Variants in DNAH5 observed in about 807,000 individuals in gnomAD.
DNAH5 encodes dynein axonemal heavy chain 5, also known as axonemal beta dynein heavy chain 5.
Under a neutral mutation model 518.2 loss-of-function variants are expected in DNAH5, and 372 were observed. The ratio of observed to expected loss-of-function variants is 0.72; its 90% CI spans 0.66 to 0.78. The LOEUF is 0.78. Ranked by LOEUF, DNAH5 falls within the 30% of genes least tolerant of loss-of-function variation. The pLI is 0.00. For synonymous variants in DNAH5, 2,039 were observed against 2,025.9 expected (o/e 1.01, Z -0.17); for missense variants, 5,523 against 5,687.0 (o/e 0.97, Z 0.93).
intron 2 of DNAH5, 22 bp downstream of exon 2, chr5:13,931,088 T>C: frequency 1.2e-6 from 2 of 1,613,938 alleles, no homozygotes; most frequent in Non-Finnish European, 8.5e-7. Flanking sequence ...ATCAAGTCAG[T>C]GAGAAGTGAA....
chr5:14,006,197 G>A (rs4702007), intron 1 of DNAH5, among the ~76,000 whole-genome samples: 50,120 of 152,098 alleles, frequency 0.33, 9,748 homozygotes, highest in South Asian at 0.5. Context: ...TACTTGCTGC[G>A]TGCCCTTGAG....
At position 13,999,829 on chromosome 5, in the gene DNAH5, G is replaced by A. The variant is rs564161636; in HGVS notation, c.12+11819C>T. 2.0e-5 allele frequency among the ~76,000 whole-genome samples: 3 copies of A among 152,290 alleles called. No individual in the cohort carries two copies. In the East Asian group the frequency reaches 5.8e-4, roughly 29 times the overall value. On this transcript the variant is annotated intron_variant, in intron 1 of 78. Coordinates refer to the DNAH5 transcript ENST00000681290. ...CTACCAACAGCATGCAAGGGCTCCA[G>A]GATTTCCCCATCTTTCCAACACTTG...
At chr5:13,924,146 G>A (rs573671446) in intron 3 of DNAH5, among the ~76,000 whole-genome samples, 73 of 152,232 alleles carry the variant, frequency 4.8e-4, no homozygotes, top group African/African-American at 1.7e-3. Flanking sequence ...TACAAAACTC[G>A]GAACCCCCAC....
intron 38 of DNAH5, among the ~76,000 whole-genome samples, chr5:13,825,096 T>C (rs976892521): frequency 6.6e-6 from 1 of 152,144 alleles, no homozygotes; most frequent in Admixed American, 6.6e-5. Context: ...AATCCCAGCA[T>C]TTTGGAAGAC....
chr5:13,796,060 A>G (rs1757772156), intron 47 of DNAH5, among the ~76,000 whole-genome samples: 1 of 152,236 alleles, frequency 6.6e-6, no homozygotes, highest in Non-Finnish European at 1.5e-5. Context: ...CAAAATAATA[A>G]GAGCTATGTA....
At chr5:13,953,445 G>A (rs1470989622) in intron 1 of DNAH5, among the ~76,000 whole-genome samples, 1 of 152,078 alleles carries the variant, frequency 6.6e-6, no homozygotes, top group Non-Finnish European at 1.5e-5. Flanking sequence ...TAGCCCCTGG[G>A]TGGGTTCAAA....
chr5:13,808,932 C>A (rs1760123683), intron 46 of DNAH5, 112 bp downstream of exon 46: 1 of 1,366,488 alleles, frequency 7.3e-7, no homozygotes, highest in Non-Finnish European at 1.0e-6. Context: ...TGCACTCCAG[C>A]CTGGGCGACA....
In DNAH5 at chr5:13,952,724, A is replaced by T. The variant is rs143316690; in HGVS notation, c.13-21480T>A. 3.1e-3 allele frequency among the ~76,000 whole-genome samples: 466 copies of T among 152,360 alleles called. 2 individuals carry two copies. Among genetic ancestry groups the T allele is most frequent in the African/African-American group, 0.011 (458 of 41,580 alleles). ...TTAGAGTTACTCCACTATCAAGAAAACAATATTTACATTGCCAAGGAGGAC... is the reference window on the plus strand; with the variant it reads ...TTAGAGTTACTCCACTATCAAGAAATCAATATTTACATTGCCAAGGAGGAC... On this transcript the variant is annotated intron_variant, in intron 1 of 78. Coordinates refer to the DNAH5 transcript ENST00000681290.
intron 76 of DNAH5, among the ~76,000 whole-genome samples, chr5:13,705,794 G>C (rs1387591448): frequency 6.6e-6 from 1 of 151,834 alleles, no homozygotes; most frequent in South Asian, 2.1e-4. Context: ...TGCATAGAGG[G>C]AAGATGATGT....
chr5:13,978,724 A>G (rs1295896741), intron 1 of DNAH5, among the ~76,000 whole-genome samples: 1 of 152,210 alleles, frequency 6.6e-6, no homozygotes, highest in African/African-American at 2.4e-5. Context: ...AGGCTATGCC[A>G]TATAGCCTAA....
rs1169001404 is a variant in DNAH5 at position 13,721,053 on chromosome 5, C to T, written c.12226G>A (p.Gly4076Ser). Residue 4076 changes from glycine (G) to serine (S), a missense_variant, in exon 71 of 79, where the codon GGC becomes AGC. Physicochemically the swap from Gly to Ser is moderately conservative, Grantham distance 56 (BLOSUM62 0). Around this residue, in one of 3 missense-constraint regions of DNAH5, gnomAD observed 5,121 missense variants for 5,223.3 expected, o/e 0.98. Coordinates refer to ENST00000265104, the MANE Select transcript of DNAH5 (RefSeq NM_001369.3). The stretch of plus-strand genomic sequence containing the variant: ...CGAGCATGGACTTCCTGGCCCTGGC[C>T]CATGGACACATAACGGGTTTCTATT... ...LKIETRYVSM[G>S]QGQEVHARKL... 1.9e-6 allele frequency: 3 copies of T among 1,614,114 alleles called. No individual in the cohort carries two copies. Among genetic ancestry groups the T allele is most frequent in the Non-Finnish European group, 2.5e-6 (3 of 1,179,990 alleles).
chr5:13,862,600 T>C lies in DNAH5; in HGVS notation c.4744A>G (p.Ile1582Val). 6.2e-7 allele frequency: 1 copy of C among 1,614,046 alleles called. No individual in the cohort carries two copies. Among genetic ancestry groups the C allele is most frequent in the Non-Finnish European group, 8.5e-7 (1 of 1,179,962 alleles). ...LLRGDSTSEI[I>V]ANMEDSLMLL... Reference sequence around the variant, plus strand: ...ATCAAGCTGTCCTCCATGTTGGCGATGATTTCCGAGGTACTGTCTCCTCTC... The same window carrying C: ...ATCAAGCTGTCCTCCATGTTGGCGACGATTTCCGAGGTACTGTCTCCTCTC... Residue 1582 changes from isoleucine (I) to valine (V), a missense_variant, in exon 29 of 79, where the codon ATC (isoleucine) becomes GTC (valine). Ile to Val is a conservative substitution (Grantham distance 29, BLOSUM62 3). Coordinates refer to ENST00000265104, the MANE Select transcript of DNAH5 (RefSeq NM_001369.3).
chr5:13,997,477 C>G (rs1269034287), intron 1 of DNAH5, among the ~76,000 whole-genome samples: 1 of 152,208 alleles, frequency 6.6e-6, no homozygotes, highest in Non-Finnish European at 1.5e-5. Context: ...ATTCATATGT[C>G]TACCAACATT....
upstream of DNAH5, among the ~76,000 whole-genome samples, chr5:13,949,405 A>G (rs1294292539): frequency 6.6e-6 from 1 of 152,244 alleles, no homozygotes; most frequent in Non-Finnish European, 1.5e-5. Flanking sequence ...TAATCATTTG[A>G]GCTATACTCA....
intron 18 of DNAH5, among the ~76,000 whole-genome samples, 166 bp downstream of exon 18, chr5:13,885,798 G>C (rs1772339327): frequency 6.6e-6 from 1 of 152,082 alleles, no homozygotes; most frequent in Non-Finnish European, 1.5e-5. Flanking sequence ...ACAACATAGA[G>C]TCACTAAAAT....
At chr5:13,803,691 C>A (rs1370800700) in intron 47 of DNAH5, among the ~76,000 whole-genome samples, 1 of 152,212 alleles carries the variant, frequency 6.6e-6, no homozygotes, top group Non-Finnish European at 1.5e-5. Flanking sequence ...AGTCTTCAAA[C>A]TGTGCTCTGA....
intron 1 of DNAH5, among the ~76,000 whole-genome samples, chr5:13,974,259 C>A (rs1257807587): frequency 6.6e-6 from 1 of 151,550 alleles, no homozygotes; most frequent in Non-Finnish European, 1.5e-5. Context: ...TCACAAGTAG[C>A]TGGGACTACA....
chr5:13,967,625 GTTTT>G (rs1288875742), intron 1 of DNAH5, among the ~76,000 whole-genome samples: 6 of 151,990 alleles, frequency 3.9e-5, no homozygotes, highest in Admixed American at 3.3e-4. Context: ...CTCCAGATTT[GTTTT>G]TTTGTTTGTT....
chr5:13,791,908 TC>T, intron 50 of DNAH5, 85 bp downstream of exon 50: 2 of 1,191,300 alleles, frequency 1.7e-6, no homozygotes, highest in Non-Finnish European at 2.4e-6. Context: ...TGTTCACAGT[TC>T]AAGTAAAAAA....
Sources: allele counts gnomAD v4.1 joint callset (sites outside exome capture counted in the v4.1 genomes callset), GRCh38; gene constraint gnomAD v4.1.1; regional missense constraint gnomAD v4.1.1; transcripts MANE v1.5; gene names NCBI Gene and HGNC (gene_info 2026-07-23, HGNC 2026-07-21).